The following ZNF81 variants were observed in gnomAD, a reference collection of about 807,000 sequenced individuals.
ZNF81 encodes the protein zinc finger protein 81.
A neutral mutation model predicts 32.3 loss-of-function variants in ZNF81; 5 were observed. That is an observed-to-expected ratio of 0.15 (90% CI 0.08 to 0.33). ZNF81 has a LOEUF of 0.33. ZNF81 is among the 10% of genes least tolerant of loss of function. The pLI is 1.00. For synonymous variants in ZNF81, 163 were observed against 166.8 expected, an observed-to-expected ratio of 0.98 and a Z score of 0.17; for missense variants, 379 against 479.8, an observed-to-expected ratio of 0.79 and a Z score of 1.96.
At position 47,923,555 on chromosome X, in the gene ZNF81, A is replaced by G. The variant is rs2058783411; in HGVS notation, c.*6923A>G. Among the ~76,000 whole-genome samples, 1 of 111,958 alleles carries G rather than the reference A, an allele frequency of 8.9e-6. No homozygotes were observed. The highest frequency in any genetic ancestry group is 1.9e-5 in the Non-Finnish European group (1 of 53,184). On this transcript the variant is annotated 3_prime_UTR_variant, in exon 5 of 5. Transcript: ENST00000338637. ...TATGAGGATGGAAAATTGGTTCTTG[A>G]TTTTATGACACAGAGGTTGTTGTTG...
chrX:47,840,597 A>G (rs782346780), intron 1 of ZNF81, among the ~76,000 whole-genome samples: 47 of 105,329 alleles, frequency 4.5e-4, no homozygotes, highest in African/African-American at 1.6e-3. Flanking sequence ...TCCGCCTCCC[A>G]GGCAGGTTCA....
At chrX:47,843,713 T>C (rs2058460203) in intron 1 of ZNF81, among the ~76,000 whole-genome samples, 1 of 111,450 alleles carries the variant, frequency 9.0e-6, no homozygotes, top group Admixed American at 9.5e-5. Flanking sequence ...TTTGTAGAGA[T>C]AAGGTTTCAC....
At chrX:47,841,170 C>T in intron 1 of ZNF81, 1 of 782,349 alleles carries the variant, frequency 1.3e-6, no homozygotes, top group Non-Finnish European at 1.9e-6. Flanking sequence ...CACCAAACTT[C>T]CCCAGGTGCT....
intron 4 of ZNF81, among the ~76,000 whole-genome samples, chrX:47,897,880 G>T (rs2058684998): frequency 8.9e-6 from 1 of 111,827 alleles, no homozygotes; most frequent in African/African-American, 3.3e-5. Context: ...TAAAAGATAG[G>T]TTTTATTATT....
chrX:47,839,992 G>A (rs1278297264), intron 1 of ZNF81, among the ~76,000 whole-genome samples: 2 of 110,822 alleles, frequency 1.8e-5, no homozygotes, highest in African/African-American at 3.3e-5. Flanking sequence ...TGTGGTGAAA[G>A]ACAATTCTTC....
Position 47,923,090 on chromosome X carries a change from AGG to A in ZNF81, c.*6459_*6460del, listed in dbSNP as rs1185125785. ...TATTTCCAAATAAAATTGTATTCTG[AGG>A]TTCTGGGGATTAGGATTTCCACGTA... On this transcript the variant is annotated 3_prime_UTR_variant, in exon 5 of 5. Coordinates refer to ENST00000338637, the MANE Select transcript of ZNF81 (RefSeq NM_007137.5). Among the ~76,000 whole-genome samples, 2 of 111,711 alleles carry A rather than the reference AGG, an allele frequency of 1.8e-5. No individual in the cohort carries two copies. Among genetic ancestry groups the A allele is most frequent in the Non-Finnish European group, 3.8e-5 (2 of 53,139 alleles).
intron 1 of ZNF81, among the ~76,000 whole-genome samples, chrX:47,843,314 CAT>C (rs1433790551): frequency 2.7e-5 from 3 of 110,877 alleles, no homozygotes; most frequent in African/African-American, 9.9e-5. Flanking sequence ...TTGGAATGGA[CAT>C]ATGTTTTAAT....
In ZNF81 at chrX:47,918,999, T is replaced by G. The variant is rs2058766942; in HGVS notation, c.*2367T>G. On this transcript the variant is annotated 3_prime_UTR_variant, in exon 5 of 5. Transcript: ENST00000338637. The stretch of plus-strand genomic sequence containing the variant: ...TGTAACTTGTCATTTAGCTCACAGG[T>G]ATCTGGATCAAGAAACTGAAAAACT... 3.8e-6 allele frequency: 1 copy of G among 265,188 alleles called. No individual in the cohort carries two copies. Among genetic ancestry groups the G allele is most frequent in the African/African-American group, 2.9e-5 (1 of 35,019 alleles). 21.9% of individuals were successfully genotyped at this position (265,188 alleles called of 1,213,427 possible).
At chrX:47,871,010 A>G (rs2058578048) in intron 2 of ZNF81, among the ~76,000 whole-genome samples, 1 of 111,816 alleles carries the variant, frequency 8.9e-6, no homozygotes, top group African/African-American at 3.3e-5. Flanking sequence ...TTTGGAATGC[A>G]TATTTTTGAA....
chrX:47,903,611 A>G (rs1421117600), intron 4 of ZNF81, among the ~76,000 whole-genome samples: 73 of 88,021 alleles, frequency 8.3e-4, no homozygotes, highest in African/African-American at 2.8e-3. Context: ...GGAAGAATCA[A>G]TATCGTGAAA....
chrX:47,894,850 A>AC (rs1556886958), intron 3 of ZNF81, among the ~76,000 whole-genome samples: 1 of 111,678 alleles, frequency 9.0e-6, no homozygotes, highest in Non-Finnish European at 1.9e-5. Context: ...CCACCATTGT[A>AC]TTTTGGAAGC....
chrX:47,849,411 T>C (rs1264554720), intron 2 of ZNF81, among the ~76,000 whole-genome samples: 2 of 111,703 alleles, frequency 1.8e-5, no homozygotes, highest in African/African-American at 6.5e-5. Flanking sequence ...CTCACACCTG[T>C]AATCCCAGCA....
chrX:47,841,280 A>G lies in ZNF81; in HGVS notation c.-164+4293A>G, dbSNP rs1333322916. 3 of 669,214 alleles carry G rather than the reference A, an allele frequency of 4.5e-6. No individual in the cohort carries two copies. In the African/African-American group the frequency reaches 6.4e-5, roughly 14 times the overall value. The allele number at this position is 669,214 out of a possible 1,213,427, so 55.2% of individuals were successfully genotyped here. On this transcript the variant is annotated intron_variant, in intron 1 of 4. Transcript: ENST00000338637. ...TCCCGGACAGACTTCAGATTTGGAA[A>G]TCCCCAGGTCACATAAGGTTCCACT...
intron 4 of ZNF81, among the ~76,000 whole-genome samples, chrX:47,907,306 C>T (rs997703138): frequency 2.2e-5 from 2 of 92,757 alleles, no homozygotes; most frequent in East Asian, 3.3e-4. Context: ...CAGATATGAC[C>T]TTTTCTTTAG....
chrX:47,850,329 A>G (rs1310222030), intron 2 of ZNF81, among the ~76,000 whole-genome samples: 1 of 98,875 alleles, frequency 1.0e-5, no homozygotes, highest in Non-Finnish European at 2.0e-5. Flanking sequence ...CCTGGGCAAC[A>G]TAATGAGACC....
At chrX:47,850,039 C>T (rs1222507559) in intron 2 of ZNF81, among the ~76,000 whole-genome samples, 4 of 111,882 alleles carry the variant, frequency 3.6e-5, no homozygotes, top group Non-Finnish European at 7.5e-5. Flanking sequence ...TGTAAATTGA[C>T]ACAATCTCTG....
At chrX:47,838,536 CA>C (rs781904044) in intron 1 of ZNF81, among the ~76,000 whole-genome samples, 2 of 110,969 alleles carry the variant, frequency 1.8e-5, no homozygotes, top group African/African-American at 6.5e-5. Flanking sequence ...TGAATTTCAT[CA>C]ACACTCTGAA....
At chrX:47,850,889 GCGCACACACA>G (rs1441264550) in intron 2 of ZNF81, among the ~76,000 whole-genome samples, 44 of 26,989 alleles carry the variant, frequency 1.6e-3, no homozygotes, top group African/African-American at 2.9e-3. Context: ...ACAGGCACGC[GCGCACACACA>G]CACACACACA....
intron 4 of ZNF81, among the ~76,000 whole-genome samples, chrX:47,904,096 A>G (rs782443837): frequency 5.2e-4 from 58 of 112,083 alleles, no homozygotes; most frequent in African/African-American, 1.7e-3. Context: ...TAGACCTAAA[A>G]CCATAAAATC....
Sources: allele counts gnomAD v4.1 joint callset (sites outside exome capture counted in the v4.1 genomes callset), GRCh38; gene constraint gnomAD v4.1.1; transcripts MANE v1.5; gene names NCBI Gene and HGNC (gene_info 2026-07-23, HGNC 2026-07-21).